Variants in PLEKHA5 observed in about 807,000 individuals in gnomAD.
PLEKHA5 encodes the protein pleckstrin homology domain-containing family A member 5.
Under a neutral mutation model 181.9 loss-of-function variants are expected in PLEKHA5, and 55 were observed. The ratio of observed to expected loss-of-function variants is 0.30; its 90% CI spans 0.24 to 0.38. PLEKHA5 has a LOEUF of 0.38. Ranked by LOEUF, PLEKHA5 falls within the 10% of genes least tolerant of loss-of-function variation. PLEKHA5 has a pLI of 1.00. For synonymous variants in PLEKHA5, 535 were observed against 529.4 expected (o/e 1.01, Z -0.15); for missense variants, 1,432 against 1,549.5 (o/e 0.92, Z 1.27).
chr12:19,279,875 A>G (rs1406866987), intron 11 of PLEKHA5, among the ~76,000 whole-genome samples: 2 of 151,964 alleles, frequency 1.3e-5, no homozygotes, highest in East Asian at 3.9e-4. Context: ...TCCCCTCTGG[A>G]TGCTTTAACC....
intron 17 of PLEKHA5, among the ~76,000 whole-genome samples, chr12:19,320,325 A>G (rs762469200): frequency 6.6e-6 from 1 of 152,114 alleles, no homozygotes; most frequent in Non-Finnish European, 1.5e-5. Flanking sequence ...GCATATTATT[A>G]TGTTTAACAA....
At chr12:19,139,968 T>C (rs974233272) in intron 3 of PLEKHA5, among the ~76,000 whole-genome samples, 1 of 152,204 alleles carries the variant, frequency 6.6e-6, no homozygotes, top group Admixed American at 6.5e-5. Context: ...CTCTTTATCA[T>C]CCAATAGATA....
chr12:19,374,721 G>A (rs150097857), intron 31 of PLEKHA5, among the ~76,000 whole-genome samples: 16,849 of 150,528 alleles, frequency 0.11, 918 homozygotes, highest in South Asian at 0.16. Flanking sequence ...TTGGGAGGCC[G>A]AGGCGGGCGG....
chr12:19,329,820 T>C (rs1204898261), intron 20 of PLEKHA5, among the ~76,000 whole-genome samples: 1 of 152,016 alleles, frequency 6.6e-6, no homozygotes, highest in Non-Finnish European at 1.5e-5. Flanking sequence ...CTCATACTTG[T>C]AATCCTAGCA....
At chr12:19,163,947 C>T (rs886429900) in intron 3 of PLEKHA5, among the ~76,000 whole-genome samples, 2 of 152,120 alleles carry the variant, frequency 1.3e-5, no homozygotes, top group Non-Finnish European at 2.9e-5. Flanking sequence ...TCCATTTTTA[C>T]TTCCATTCTT....
intron 22 of PLEKHA5, among the ~76,000 whole-genome samples, chr12:19,344,925 A>G (rs1265509568): frequency 6.8e-6 from 1 of 147,216 alleles, no homozygotes; most frequent in Non-Finnish European, 1.5e-5. Flanking sequence ...CCTGGCCAAC[A>G]TGACAAAACC....
At chr12:19,134,512 T>C (rs113024840) in intron 3 of PLEKHA5, among the ~76,000 whole-genome samples, 11 of 152,240 alleles carry the variant, frequency 7.2e-5, no homozygotes, top group African/African-American at 2.4e-4. Flanking sequence ...AAATATATGA[T>C]GTACTGAATG....
intron 12 of PLEKHA5, among the ~76,000 whole-genome samples, chr12:19,287,062 A>C (rs780270215): frequency 1.3e-5 from 2 of 151,662 alleles, no homozygotes; most frequent in Non-Finnish European, 2.9e-5. Context: ...CAGTGGTGCT[A>C]TCTCGGCTCA....
chr12:19,342,045 C>T (rs1443002803), intron 21 of PLEKHA5, among the ~76,000 whole-genome samples: 1 of 152,046 alleles, frequency 6.6e-6, no homozygotes, highest in Non-Finnish European at 1.5e-5. Flanking sequence ...AAACATATTT[C>T]TACCCATTAG....
At chr12:19,334,421 C>T (rs1052821945) in intron 20 of PLEKHA5, among the ~76,000 whole-genome samples, 2 of 152,136 alleles carry the variant, frequency 1.3e-5, no homozygotes, top group African/African-American at 4.8e-5. Flanking sequence ...AGAAGGATTC[C>T]TACCATCCTG....
intron 3 of PLEKHA5, among the ~76,000 whole-genome samples, chr12:19,191,353 C>T (rs1317854791): frequency 6.6e-6 from 1 of 152,146 alleles, no homozygotes; most frequent in Non-Finnish European, 1.5e-5. Context: ...ACTGTTAATA[C>T]TTTAATACCC....
At chr12:19,255,860 T>C (rs1430933187) in intron 5 of PLEKHA5, among the ~76,000 whole-genome samples, 1 of 58,960 alleles carries the variant, frequency 1.7e-5, no homozygotes, top group Non-Finnish European at 3.8e-5. Flanking sequence ...AAAACAAAAC[T>C]AAGAAAAAAA....
chr12:19,247,656 TA>T (rs1394127341), intron 3 of PLEKHA5, among the ~76,000 whole-genome samples: 7 of 151,950 alleles, frequency 4.6e-5, no homozygotes, highest in Admixed American at 4.6e-4. Context: ...CTGATTGTAG[TA>T]AATGATTAAA....
intron 3 of PLEKHA5, among the ~76,000 whole-genome samples, chr12:19,166,647 G>T (rs2044464193): frequency 6.6e-6 from 1 of 152,044 alleles, no homozygotes; most frequent in South Asian, 2.1e-4. Context: ...TCTACTCTCT[G>T]CAATTTACTA....
intron 16 of PLEKHA5, among the ~76,000 whole-genome samples, chr12:19,317,921 CTTT>C (rs71064082): frequency 1.0e-4 from 7 of 67,504 alleles, no homozygotes; most frequent in Non-Finnish European, 1.7e-4. Flanking sequence ...CAAACCAAAC[CTTT>C]TTTTTTTTTT....
chr12:19,280,598 A>C (rs1253113384), intron 11 of PLEKHA5, among the ~76,000 whole-genome samples: 1 of 152,178 alleles, frequency 6.6e-6, no homozygotes, highest in Admixed American at 6.6e-5. Context: ...AGAGATCAGA[A>C]AACCTGAGTT....
rs749868022 is a variant in PLEKHA5 at position 19,197,724 on chromosome 12, GTGTGTGTGTT to G, written c.228-56214_228-56205del. Among the ~76,000 whole-genome samples the G allele has an allele frequency of 3.5e-3, 398 of 113,610 alleles. 4 individuals are homozygous for G. The highest frequency in any genetic ancestry group is 0.014 in the African/African-American group (349 of 24,216). The allele number at this position is 113,610 out of a possible 152,430, so 74.5% of individuals were successfully genotyped here. On this transcript the variant is annotated intron_variant, in intron 3 of 31. Coordinates refer to ENST00000429027, the MANE Select transcript of PLEKHA5 (RefSeq NM_001256470.2). ...TGTGTGTGTGTGTGTGTGTGTGTGT[GTGTGTGTGTT>G]TAAGTCGCCTCGTTCACTTCCAAGG...
chr12:19,306,144 A>G (rs1345265821), intron 15 of PLEKHA5, among the ~76,000 whole-genome samples: 1 of 152,206 alleles, frequency 6.6e-6, no homozygotes, highest in Non-Finnish European at 1.5e-5. Flanking sequence ...GCCAGGATTA[A>G]GTATCAGATT....
intron 3 of PLEKHA5, among the ~76,000 whole-genome samples, chr12:19,218,040 C>T (rs1240428058): frequency 6.6e-6 from 1 of 152,122 alleles, no homozygotes; most frequent in Non-Finnish European, 1.5e-5. Flanking sequence ...TGGATACCAT[C>T]TTGGGGGCTG....
Sources: gnomAD v4.1 joint callset for allele counts (sites outside exome capture counted in the v4.1 genomes callset) on GRCh38, gnomAD v4.1.1 for gene constraint, MANE v1.5 for transcripts, NCBI Gene and HGNC (gene_info 2026-07-23, HGNC 2026-07-21) for gene names.